The following DCDC2 variants were observed in gnomAD, a reference collection of about 807,000 sequenced individuals.
DCDC2 encodes doublecortin domain containing 2.
A neutral mutation model predicts 50.2 loss-of-function variants in DCDC2; 40 were observed. The ratio of observed to expected loss-of-function variants is 0.80; its 90% CI spans 0.62 to 1.04. The LOEUF is 1.04. Ranked by LOEUF, DCDC2 falls within the 50% of genes least tolerant of loss-of-function variation. DCDC2 has a pLI of 0.00. For missense variants in DCDC2, 570 were observed against 581.9 expected (o/e 0.98, Z 0.21); for synonymous variants, 234 against 210.6 (o/e 1.11, Z -0.96).
chr6:24,256,279 T>TG (rs1762896847), intron 7 of DCDC2, among the ~76,000 whole-genome samples: 6 of 151,904 alleles, frequency 3.9e-5, no homozygotes, highest in East Asian at 3.9e-4. Context: ...TGGACATTTT[T>TG]TTTTTTTTTT....
rs368056578 is a variant in DCDC2, at chr6:24,201,073, G to A, written c.1023+3929C>T. Among the ~76,000 whole-genome samples, 140 of 151,878 alleles carry A rather than the reference G, an allele frequency of 9.2e-4. No homozygotes were observed. In the South Asian group the frequency reaches 0.027, roughly 29 times the overall value. Reference sequence around the variant, plus strand: ...AATTAGTGGGAGACTTTAACACCCCGCTATCAATATAAGACAGATCAACGA... The same window carrying A: ...AATTAGTGGGAGACTTTAACACCCCACTATCAATATAAGACAGATCAACGA... On this transcript the variant is annotated intron_variant, in intron 8 of 9. Transcript: ENST00000378454.
At chr6:24,373,651 CG>C in the DCDC2 span, among the ~76,000 whole-genome samples, 6 of 152,102 alleles carry the variant, frequency 3.9e-5, no homozygotes, top group Non-Finnish European at 2.9e-5. Flanking sequence ...TGGGACCTAG[CG>C]GGAGCACATG....
At chr6:24,340,704 T>C (rs1422284786) in intron 2 of DCDC2, among the ~76,000 whole-genome samples, 1 of 152,116 alleles carries the variant, frequency 6.6e-6, no homozygotes, top group African/African-American at 2.4e-5. Flanking sequence ...TTGAATGATA[T>C]TAGATGACTT....
intron 7 of DCDC2, among the ~76,000 whole-genome samples, chr6:24,229,538 T>C (rs1762296116): frequency 6.6e-6 from 1 of 152,098 alleles, no homozygotes; most frequent in Non-Finnish European, 1.5e-5. Context: ...GGGGCCGTTA[T>C]TTTGCTTGCC....
At chr6:24,194,515 T>C (rs1761388963) in intron 8 of DCDC2, among the ~76,000 whole-genome samples, 1 of 152,228 alleles carries the variant, frequency 6.6e-6, no homozygotes, top group South Asian at 2.1e-4. Flanking sequence ...TTAAACAAAC[T>C]CTAAAAATAC....
chr6:24,262,012 TAA>T (rs1182062466), intron 7 of DCDC2, among the ~76,000 whole-genome samples: 2 of 151,730 alleles, frequency 1.3e-5, no homozygotes, highest in Non-Finnish European at 2.9e-5. Context: ...AGCCCCTTCA[TAA>T]AAAACAAATA....
chr6:24,300,937 C>A (rs765275343), intron 4 of DCDC2, among the ~76,000 whole-genome samples: 2 of 152,236 alleles, frequency 1.3e-5, no homozygotes, highest in South Asian at 4.1e-4. Flanking sequence ...ATTTAGACAA[C>A]CCCACTAAAT....
intron 7 of DCDC2, among the ~76,000 whole-genome samples, chr6:24,251,744 A>G (rs1042449031): frequency 2.0e-5 from 3 of 151,848 alleles, no homozygotes; most frequent in East Asian, 1.9e-4. Flanking sequence ...AAGTAAATCA[A>G]CTCCCTTCTC....
chr6:24,358,513 A>T (rs1478900982), upstream of DCDC2, among the ~76,000 whole-genome samples: 6 of 96,618 alleles, frequency 6.2e-5, no homozygotes, highest in African/African-American at 2.7e-4. Context: ...CTCTACAATT[A>T]AAAAAAAAAA....
intron 2 of DCDC2, among the ~76,000 whole-genome samples, chr6:24,349,256 C>T (rs1172031729): frequency 6.6e-6 from 1 of 152,170 alleles, no homozygotes; most frequent in Non-Finnish European, 1.5e-5. Context: ...TTTACTAAAT[C>T]GAATCACTTA....
chr6:24,214,044 C>A (rs1014999854), intron 7 of DCDC2, among the ~76,000 whole-genome samples: 1 of 152,094 alleles, frequency 6.6e-6, no homozygotes, highest in Admixed American at 6.5e-5. Flanking sequence ...TTTACAGAAA[C>A]AAGAATATCA....
intron 7 of DCDC2, among the ~76,000 whole-genome samples, chr6:24,207,775 T>G (rs1324724290): frequency 1.3e-5 from 2 of 152,178 alleles, no homozygotes; most frequent in East Asian, 3.9e-4. Flanking sequence ...CGGTTTAATC[T>G]CTTTCTCACA....
intron 8 of DCDC2, among the ~76,000 whole-genome samples, chr6:24,189,073 AC>A (rs1761261993): frequency 6.6e-6 from 1 of 152,196 alleles, no homozygotes; most frequent in Non-Finnish European, 1.5e-5. Context: ...GAAAAGCTGT[AC>A]CAGCTTTTCT....
At chr6:24,214,120 T>C (rs1761929945) in intron 7 of DCDC2, among the ~76,000 whole-genome samples, 1 of 152,234 alleles carries the variant, frequency 6.6e-6, no homozygotes, top group East Asian at 1.9e-4. Context: ...CACATTTATA[T>C]GGGCTAAGTA....
intron 8 of DCDC2, among the ~76,000 whole-genome samples, chr6:24,190,337 C>T (rs55699363): frequency 0.036 from 5,461 of 152,158 alleles, 134 homozygotes; most frequent in Non-Finnish European, 0.055. Context: ...TCAATTCCCA[C>T]CTATGAGTGA....
At chr6:24,374,497 T>C in the DCDC2 span, among the ~76,000 whole-genome samples, 1 of 140,174 alleles carries the variant, frequency 7.1e-6, no homozygotes, top group Admixed American at 8.0e-5. Flanking sequence ...TGAGAATTGC[T>C]TGAACCTGGG....
intron 8 of DCDC2, among the ~76,000 whole-genome samples, chr6:24,190,800 A>G (rs144352946): frequency 6.6e-6 from 1 of 152,246 alleles, no homozygotes; most frequent in African/African-American, 2.4e-5. Context: ...ATATGATTCA[A>G]TAAGAGTATA....
rs557267713 is a variant in DCDC2 at position 24,342,685 on chromosome 6, T to C, written c.348+10884A>G. ...TTCTCCTTCAGTAAGTTTTTAGTAG[T>C]CTCCAATTAAAAAAAAAAAAGGGTT... On this transcript the variant is annotated intron_variant, in intron 2 of 9. Coordinates refer to ENST00000378454, the MANE Select transcript of DCDC2 (RefSeq NM_016356.5). Among the ~76,000 whole-genome samples the C allele has an allele frequency of 3.4e-3, 490 of 143,422 alleles. 4 individuals carry two copies. Among genetic ancestry groups the C allele is most frequent in the African/African-American group, 0.013 (461 of 34,756 alleles). 94.1% of individuals were successfully genotyped at this position (143,422 alleles called of 152,430 possible).
At chr6:24,228,379 G>T (rs956684849) in intron 7 of DCDC2, among the ~76,000 whole-genome samples, 1 of 152,250 alleles carries the variant, frequency 6.6e-6, no homozygotes, top group African/African-American at 2.4e-5. Context: ...ATTTTATTTT[G>T]TAAAGTTAAG....
Sources: gnomAD v4.1 joint callset for allele counts (sites outside exome capture counted in the v4.1 genomes callset) on GRCh38, gnomAD v4.1.1 for gene constraint, MANE v1.5 for transcripts, NCBI Gene and HGNC (gene_info 2026-07-23, HGNC 2026-07-21) for gene names.